The following MARK3 variants were observed in gnomAD, a reference collection of about 807,000 sequenced individuals.
The protein encoded by MARK3 is MAP/microtubule affinity-regulating kinase 3.
A neutral mutation model predicts 90.1 loss-of-function variants in MARK3; 46 were observed. The observed-to-expected ratio is 0.51, with a 90% CI of 0.40 to 0.65. The LOEUF is 0.65. MARK3 is among the 30% of genes least tolerant of loss of function. The pLI is 0.00. For missense variants in MARK3, 818 were observed against 947.2 expected, an observed-to-expected ratio of 0.86 and a Z score of 1.79; for synonymous variants, 321 against 332.6, an observed-to-expected ratio of 0.97 and a Z score of 0.38.
At chr14:103,460,882 G>C (rs887827243) in intron 6 of MARK3, among the ~76,000 whole-genome samples, 3 of 152,170 alleles carry the variant, frequency 2.0e-5, no homozygotes, top group Non-Finnish European at 4.4e-5. Context: ...TAAATCCAAA[G>C]TAACAGATGC....
intron 2 of MARK3, among the ~76,000 whole-genome samples, chr14:103,405,670 C>T (rs561449501): frequency 5.1e-4 from 78 of 151,870 alleles, no homozygotes; most frequent in African/African-American, 1.8e-3. Flanking sequence ...ACATGTATTA[C>T]ATGTCAAGTT....
chr14:103,472,909 G>A lies in MARK3; in HGVS notation c.1265-2084G>A, dbSNP rs561732073. 2.0e-5 allele frequency among the ~76,000 whole-genome samples: 3 copies of A among 152,030 alleles called. No homozygotes were observed. The East Asian group carries it at 5.8e-4, about 29-fold the overall frequency. ...TAGTCCCAGCTACTTGTGAGGCTGA[G>A]GCAGGAGAATCGCTTGAACCTGGGA... On this transcript the variant is annotated intron_variant, in intron 12 of 17. Coordinates refer to ENST00000429436, the MANE Select transcript of MARK3 (RefSeq NM_001128918.3).
intron 3 of MARK3, among the ~76,000 whole-genome samples, chr14:103,433,270 G>C (rs777001762): frequency 4.0e-5 from 6 of 151,740 alleles, no homozygotes; most frequent in Admixed American, 1.3e-4. Flanking sequence ...ATTTTTAGTA[G>C]AGACAGGGTT....
chr14:103,397,417 C>T (rs969487994), intron 1 of MARK3, among the ~76,000 whole-genome samples: 1 of 151,314 alleles, frequency 6.6e-6, no homozygotes, highest in Admixed American at 6.6e-5. Flanking sequence ...ACCTCCGCCT[C>T]CCAGGTTCAA....
intron 5 of MARK3, among the ~76,000 whole-genome samples, chr14:103,452,469 G>GTTTTTTTTTTTTTTTTTTTT (rs1404035040): frequency 2.4e-4 from 20 of 84,170 alleles, no homozygotes; most frequent in Non-Finnish European, 5.1e-4. Flanking sequence ...TACAGGATTT[G>GTTTTTTTTTTTTTTTTTTTT]TCTTTTTTTT....
intron 3 of MARK3, chr14:103,441,474 G>GA (rs1358238439): frequency 2.0e-5 from 3 of 152,136 alleles, no homozygotes; most frequent in African/African-American, 4.8e-5. Context: ...TTTTAGTAGA[G>GA]ACGGGGTTTC....
rs1186235163 is a variant in MARK3 at position 103,465,700 on chromosome 14, A to G, written c.684A>G (p.Lys228=). ...YAAPELFQGK[K]YDGPEVDVWS... is the part of the protein sequence containing the mutation. ...CACCTGAGCTCTTCCAGGGCAAGAA[A>G]TATGACGGGCCAGAAGTGGATGTGT... is the stretch of plus-strand genomic sequence containing the variant. Residue 228 remains lysine (K), a synonymous_variant, in exon 8 of 18, where the codon AAA becomes AAG. Transcript: ENST00000429436. 6.2e-7 allele frequency: 1 copy of G among 1,614,202 alleles called. No individual in the cohort carries two copies. The highest frequency in any genetic ancestry group is 1.7e-5 in the Admixed American group (1 of 60,022).
intron 2 of MARK3, among the ~76,000 whole-genome samples, chr14:103,415,150 CA>C (rs34245934): frequency 8.9e-3 from 336 of 37,676 alleles, no homozygotes; most frequent in South Asian, 0.029. Flanking sequence ...GACCTTGTCT[CA>C]AAAAAAAAAA....
In MARK3 at chr14:103,468,314, C is replaced by CTTCTTTTTTTTTTTTTTTTTTTTTTTTT. The variant is rs1555395510; in HGVS notation, c.1264+130_1264+131insCTTTTTTTTTTTTTTTTTTTTTTTTTTT. The CTTCTTTTTTTTTTTTTTTTTTTTTTTTT allele has an allele frequency of 1.8e-5, 2 of 113,946 alleles. 1 individual carries two copies. The allele number at this position is 113,946 out of a possible 1,614,324, so 7.1% of individuals were successfully genotyped here. A position where few individuals can be genotyped will look rare whatever the true frequency, so the allele number is the denominator to read the frequency against. On this transcript the variant is annotated intron_variant, in intron 12 of 17. Coordinates refer to ENST00000429436, the MANE Select transcript of MARK3 (RefSeq NM_001128918.3). ...CTTGGCATTGCTTTCTTTCTTTCTT[C>CTTCTTTTTTTTTTTTTTTTTTTTTTTTT]TTTTTTTTTTTTTTTTTTTTTTTTT... is the stretch of plus-strand genomic sequence containing the variant.
chr14:103,399,924 A>ACC (rs34961566), intron 1 of MARK3, among the ~76,000 whole-genome samples: 11 of 105,508 alleles, frequency 1.0e-4, no homozygotes, highest in Admixed American at 2.0e-4. Context: ...CTCTGTCCTT[A>ACC]CCCCCCCACC....
At chr14:103,435,369 T>A (rs2092688894) in intron 3 of MARK3, among the ~76,000 whole-genome samples, 1 of 149,570 alleles carries the variant, frequency 6.7e-6, no homozygotes, top group Non-Finnish European at 1.5e-5. Flanking sequence ...TCCCCCAAAG[T>A]TCTTAATTTC....
chr14:103,386,519 T>G, intron 1 of MARK3: 1 of 399,382 alleles, frequency 2.5e-6, no homozygotes, highest in South Asian at 1.9e-5. Flanking sequence ...AGTAATCGAT[T>G]GGGTCAAGTG....
In MARK3 at chr14:103,452,030, T is replaced by TA. The variant is rs1308945643; in HGVS notation, c.412+54dup. 5 of 1,318,948 alleles carry TA rather than the reference T, an allele frequency of 3.8e-6. No homozygotes were observed. The East Asian group carries it at 9.2e-5, about 24-fold the overall frequency. The allele number at this position is 1,318,948 out of a possible 1,614,324, so 81.7% of individuals were successfully genotyped here. On this transcript the variant is annotated intron_variant, in intron 5 of 17. Transcript: ENST00000429436. ...TTGGGTTTTTTTTCTTTCTCCCTTTTAAAAAAATACACAACCATACTGCCC... is the reference window on the plus strand; with the variant it reads ...TTGGGTTTTTTTTCTTTCTCCCTTTTAAAAAAAATACACAACCATACTGCCC...
intron 2 of MARK3, among the ~76,000 whole-genome samples, chr14:103,424,043 T>TA (rs936972581): frequency 4.0e-5 from 6 of 151,414 alleles, no homozygotes; most frequent in African/African-American, 1.5e-4. Context: ...CTGTCTCTAC[T>TA]AAAAAAATAC....
chr14:103,391,229 C>G (rs2090218878), intron 1 of MARK3, among the ~76,000 whole-genome samples: 1 of 152,124 alleles, frequency 6.6e-6, no homozygotes, highest in African/African-American at 2.4e-5. Context: ...CAAAGAATTA[C>G]CCGGCCTAAA....
At chr14:103,388,645 A>G (rs2089991929) in intron 1 of MARK3, among the ~76,000 whole-genome samples, 1 of 152,162 alleles carries the variant, frequency 6.6e-6, no homozygotes, top group African/African-American at 2.4e-5. Context: ...CCATTGCCAG[A>G]AAGGTCCCTT....
At chr14:103,502,812 G>T (rs1278482004) in intron 17 of MARK3, 70 bp from the exon 18 acceptor site, 3 of 1,228,232 alleles carry the variant, frequency 2.4e-6, no homozygotes, top group Admixed American at 2.2e-5. Context: ...CGTGAATGAG[G>T]AACTAGCTGA....
chr14:103,440,701 G>A (rs2092828358), intron 3 of MARK3, among the ~76,000 whole-genome samples: 3 of 152,110 alleles, frequency 2.0e-5, no homozygotes, highest in African/African-American at 7.2e-5. Flanking sequence ...GGGAGCCTGA[G>A]ATGGGAAGAT....
intron 2 of MARK3, among the ~76,000 whole-genome samples, chr14:103,426,674 G>A (rs984862905): frequency 3.3e-5 from 5 of 151,874 alleles, no homozygotes; most frequent in Middle Eastern, 3.2e-3. Flanking sequence ...TCATTTTTAC[G>A]TGACAGTGAT....
Sources: allele counts gnomAD v4.1 joint callset (sites outside exome capture counted in the v4.1 genomes callset), GRCh38; gene constraint gnomAD v4.1.1; transcripts MANE v1.5; gene names NCBI Gene and HGNC (gene_info 2026-07-23, HGNC 2026-07-21).